Variants in EDARADD observed in about 807,000 individuals in gnomAD.
The protein encoded by EDARADD is ectodysplasin-A receptor-associated adapter protein.
Under a neutral mutation model 25.6 loss-of-function variants are expected in EDARADD, and 20 were observed. The ratio of observed to expected loss-of-function variants is 0.78; its 90% CI spans 0.55 to 1.14. The LOEUF (loss-of-function observed/expected upper bound fraction) is 1.14, where lower values mean the gene tolerates loss of function less well. Among genes scored for constraint, EDARADD ranks in the 50% most tolerant of loss-of-function variants. EDARADD has a pLI of 0.00. For missense variants in EDARADD, 225 were observed against 270.1 expected (o/e 0.83, Z 1.17); for synonymous variants, 86 against 94.4 (o/e 0.91, Z 0.52).
At chr1:236,349,368 C>A (rs888606680) in intron 2 of EDARADD, among the ~76,000 whole-genome samples, 5 of 152,230 alleles carry the variant, frequency 3.3e-5, no homozygotes, top group Admixed American at 3.3e-4. Flanking sequence ...GAGATTTATT[C>A]TCTTAAATAT....
chr1:236,465,566 G>A (rs1466461977), intron 4 of EDARADD, among the ~76,000 whole-genome samples: 2 of 152,008 alleles, frequency 1.3e-5, no homozygotes, highest in Non-Finnish European at 2.9e-5. Flanking sequence ...GAAGACACCT[G>A]TCCTCTCTGA....
At chr1:236,419,962 G>A (rs1431023613) in intron 3 of EDARADD, among the ~76,000 whole-genome samples, 10 of 152,168 alleles carry the variant, frequency 6.6e-5, no homozygotes, top group Admixed American at 2.0e-4. Flanking sequence ...TGGATTACTC[G>A]AGGCCAGGAG....
At chr1:236,393,573 T>C (rs545216813), upstream of EDARADD, among the ~76,000 whole-genome samples, 1 of 151,978 alleles carries the variant, frequency 6.6e-6, no homozygotes, top group South Asian at 2.1e-4. Context: ...TTTTTTGTAT[T>C]TTTAGTAGCG....
chr1:236,467,300 G>C (rs1474508371), intron 4 of EDARADD, among the ~76,000 whole-genome samples: 4 of 151,752 alleles, frequency 2.6e-5, no homozygotes, highest in African/African-American at 4.8e-5. Flanking sequence ...ACTGTGGGTG[G>C]GGGTGGGGTG....
intron 3 of EDARADD, among the ~76,000 whole-genome samples, chr1:236,372,289 G>A (rs1368786405): frequency 2.0e-5 from 3 of 151,974 alleles, no homozygotes; most frequent in African/African-American, 4.8e-5. Context: ...AAAGGCTGTT[G>A]GATTTTGTCA....
intron 1 of EDARADD, among the ~76,000 whole-genome samples, chr1:236,403,319 G>T (rs773999883): frequency 1.3e-5 from 2 of 151,628 alleles, no homozygotes; most frequent in African/African-American, 4.8e-5. Flanking sequence ...AAGGAGTCTC[G>T]CTCTGTCGAC....
At chr1:236,382,909 G>A (rs1373607589) in intron 3 of EDARADD, among the ~76,000 whole-genome samples, 2 of 152,148 alleles carry the variant, frequency 1.3e-5, no homozygotes. Context: ...ATCAATAAGT[G>A]TTCTGCTGGG....
At chr1:236,381,534 T>C (rs992977413) in intron 3 of EDARADD, among the ~76,000 whole-genome samples, 2 of 151,966 alleles carry the variant, frequency 1.3e-5, no homozygotes, top group African/African-American at 4.8e-5. Flanking sequence ...ATATCTCCCT[T>C]CTAGGCTTTT....
upstream of EDARADD, among the ~76,000 whole-genome samples, chr1:236,393,459 AATCTCAGCTT>A (rs1166869365): frequency 8.2e-6 from 1 of 121,778 alleles, no homozygotes; most frequent in Non-Finnish European, 1.6e-5. Context: ...GCCGTGGTGC[AATCTCAGCTT>A]ACTGCAACCT....
intron 4 of EDARADD, among the ~76,000 whole-genome samples, chr1:236,456,933 G>A (rs1459680913): frequency 6.6e-6 from 1 of 152,014 alleles, no homozygotes; most frequent in East Asian, 1.9e-4. Context: ...CAAGCCCGGG[G>A]CTTAGGTGAA....
intron 3 of EDARADD, among the ~76,000 whole-genome samples, chr1:236,421,489 C>CTTTTTTTT (rs34922732): frequency 2.7e-5 from 2 of 75,430 alleles, no homozygotes; most frequent in African/African-American, 9.2e-5. Context: ...CTTCCCAGTT[C>CTTTTTTTT]TTTTTTTTTT....
At chr1:236,379,786 AC>A (rs1265026512) in intron 3 of EDARADD, among the ~76,000 whole-genome samples, 2 of 152,224 alleles carry the variant, frequency 1.3e-5, no homozygotes, top group Non-Finnish European at 2.9e-5. Flanking sequence ...TCTCAAAAAA[AC>A]AATAAGTAAA....
At position 236,398,579 on chromosome 1, in the gene EDARADD, C is replaced by T. The variant is rs904333894; in HGVS notation, c.61+4074C>T. Among the ~76,000 whole-genome samples, 29 of 152,216 alleles carry T rather than the reference C, an allele frequency of 1.9e-4. No homozygotes were observed. The highest frequency in any genetic ancestry group is 6.5e-4 in the African/African-American group (27 of 41,464). ...CCTAGCTTGACCCCTGCTCTCTGCACGCAGCCGTGCTGCCTCCTTTCATTT... is the reference window on the plus strand; with the variant it reads ...CCTAGCTTGACCCCTGCTCTCTGCATGCAGCCGTGCTGCCTCCTTTCATTT... On this transcript the variant is annotated intron_variant, in intron 1 of 5. Transcript: ENST00000334232. This position sits in a 1 kb window ranked among gnomAD's most constrained non-coding sequence, Gnocchi z 4.1.
intron 3 of EDARADD, among the ~76,000 whole-genome samples, chr1:236,416,970 T>C (rs1657654642): frequency 6.6e-6 from 1 of 152,076 alleles, no homozygotes; most frequent in Non-Finnish European, 1.5e-5. Flanking sequence ...AAAAATTAGC[T>C]GGGCGTGGTG....
Position 236,484,527 on chromosome 1 carries a change from G to A in EDARADD, c.*1878G>A, listed in dbSNP as rs1248930634. The A allele has an allele frequency of 1.4e-6, 2 of 1,407,740 alleles. No individual in the cohort carries two copies. The highest frequency in any genetic ancestry group is 2.3e-5 in the East Asian group (1 of 43,664). 87.2% of individuals were successfully genotyped at this position (1,407,740 alleles called of 1,614,324 possible). A position where few individuals can be genotyped will look rare whatever the true frequency, so the allele number is the denominator to read the frequency against. On this transcript the variant is annotated 3_prime_UTR_variant, in exon 6 of 6. Coordinates refer to ENST00000334232, the MANE Select transcript of EDARADD (RefSeq NM_145861.4). This position sits in a 1 kb window ranked among gnomAD's most constrained non-coding sequence, Gnocchi z 4.1. ...TGGCTAATTAGACCCCTCCCCTTGT[G>A]TCAACTCCGGCAGCTCAAGACCCCC...
intron 2 of EDARADD, among the ~76,000 whole-genome samples, chr1:236,411,062 T>C (rs1657460084): frequency 1.3e-5 from 2 of 152,180 alleles, no homozygotes; most frequent in Non-Finnish European, 1.5e-5. Flanking sequence ...CCTGTGACTC[T>C]CCAGTTCTCC....
chr1:236,382,308 T>C (rs1667311494), intron 3 of EDARADD, among the ~76,000 whole-genome samples: 1 of 152,208 alleles, frequency 6.6e-6, no homozygotes, highest in Non-Finnish European at 1.5e-5. Context: ...TCTCAGGTAT[T>C]ATAGTTTTAA....
intron 3 of EDARADD, among the ~76,000 whole-genome samples, chr1:236,366,034 T>C (rs1325429258): frequency 5.9e-5 from 9 of 152,242 alleles, no homozygotes; most frequent in Non-Finnish European, 1.5e-5. Flanking sequence ...TTTGATAGCA[T>C]CTAAACATAA....
intron 1 of EDARADD, among the ~76,000 whole-genome samples, chr1:236,400,752 A>T (rs1194495486): frequency 8.0e-6 from 1 of 125,310 alleles, no homozygotes. Context: ...TTTTTAGTAG[A>T]GATGGGGTCT....
Sources: allele counts gnomAD v4.1 joint callset (sites outside exome capture counted in the v4.1 genomes callset), GRCh38; gene constraint gnomAD v4.1.1; non-coding constraint Gnocchi (gnomAD v3.1); transcripts MANE v1.5; gene names NCBI Gene and HGNC (gene_info 2026-07-23, HGNC 2026-07-21).